ARHGAP4: variants seen among roughly 807,000 people sequenced by gnomAD.
The protein encoded by ARHGAP4 is rho GTPase-activating protein 4.
Under a neutral mutation model 67.6 loss-of-function variants are expected in ARHGAP4, and 25 were observed. The observed-to-expected ratio is 0.37, with a 90% CI of 0.27 to 0.52. ARHGAP4 has a LOEUF of 0.52. ARHGAP4 is among the 20% of genes least tolerant of loss of function. The pLI, the probability that ARHGAP4 is intolerant of heterozygous loss-of-function variation, is 0.92. For missense variants in ARHGAP4, 804 were observed against 854.6 expected (o/e 0.94, Z 0.74); for synonymous variants, 448 against 373.7 (o/e 1.20, Z -2.29).
At chrX:153,910,889 G>GCCCCCCCCCCCCCCCC (rs1557103082) in intron 14 of ARHGAP4, 33 bp downstream of exon 14, 36 of 1,147,314 alleles carry the variant, frequency 3.1e-5, no homozygotes, top group South Asian at 5.9e-5. Flanking sequence ...ATCTGCCCGA[G>GCCCCCCCCCCCCCCCC]CCCCCACCCC....
chrX:153,912,575 A>G, intron 12 of ARHGAP4, 125 bp downstream of exon 12: 2 of 573,205 alleles, frequency 3.5e-6, no homozygotes, highest in Non-Finnish European at 2.8e-6. Flanking sequence ...AGAAAAGGAC[A>G]GTTGATGACT....
At chrX:153,920,974 G>T in intron 4 of ARHGAP4, 123 bp downstream of exon 4, 1 of 1,018,378 alleles carries the variant, frequency 9.8e-7, no homozygotes, top group Non-Finnish European at 1.3e-6. Context: ...TTGCCCCTAG[G>T]TGCGTGCTTC....
rs782645972 is a variant in ARHGAP4, at chrX:153,921,659, C to T, written c.218G>A (p.Arg73His). Residue 73 changes from arginine to histidine, a missense_variant, in exon 2 of 22, where the codon CGC becomes CAC. Arg to His is a conservative substitution (Grantham distance 29, BLOSUM62 0). Coordinates refer to ENST00000350060, the MANE Select transcript of ARHGAP4 (RefSeq NM_001666.5). ...CAGGCGGCCTCCACGGCTGGAGAAG[C>T]GCTCGGCCAGCTTTTCCAGGCCCCG... ...YSRGLEKLAERFSSRGGRLGS... is the reference protein window; with the variant it reads ...YSRGLEKLAEHFSSRGGRLGS... The T allele has an allele frequency of 1.7e-6, 2 of 1,208,398 alleles. No homozygotes were observed. The highest frequency in any genetic ancestry group is 1.1e-6 in the Non-Finnish European group (1 of 894,488).
chrX:153,919,600 C>T (rs2065078611), intron 5 of ARHGAP4: 7 of 1,166,297 alleles, frequency 6.0e-6, no homozygotes, highest in Non-Finnish European at 8.0e-6. Flanking sequence ...TGGCACCCCA[C>T]CATGGAGGGT....
chrX:153,910,697 C>T lies in ARHGAP4; in HGVS notation c.1816+3G>A, dbSNP rs1363795003. Reference sequence around the variant, plus strand: ...CCCCGCCAGCCTCAGGCCCCAGCCTCACCCGAAGAAGCCAGCAGCTCGCCG... The same window carrying T: ...CCCCGCCAGCCTCAGGCCCCAGCCTTACCCGAAGAAGCCAGCAGCTCGCCG... On this transcript the variant is annotated splice_donor_region_variant and intron_variant, in intron 15 of 21. Coordinates refer to ENST00000350060, the MANE Select transcript of ARHGAP4 (RefSeq NM_001666.5). 2 of 1,192,380 alleles carry T rather than the reference C, an allele frequency of 1.7e-6. No homozygotes were observed. The highest frequency in any genetic ancestry group is 1.8e-5 in the African/African-American group (1 of 57,055).
At chrX:153,922,909 G>T (rs782293301) in intron 1 of ARHGAP4, among the ~76,000 whole-genome samples, 1 of 110,758 alleles carries the variant, frequency 9.0e-6, no homozygotes, top group South Asian at 3.9e-4. Flanking sequence ...GATGGGTGCG[G>T]AGAAGATGAA....
At chrX:153,910,132 G>A (rs3213440) in intron 17 of ARHGAP4, 39 bp downstream of exon 17, 1 of 1,208,770 alleles carries the variant, frequency 8.3e-7, no homozygotes, top group Admixed American at 2.2e-5. Context: ...CTCTTCTCCA[G>A]TGGACCCCCC....
intron 7 of ARHGAP4, among the ~76,000 whole-genome samples, chrX:153,916,932 AG>A (rs1198716617): frequency 9.0e-6 from 1 of 110,513 alleles, no homozygotes; most frequent in Non-Finnish European, 1.9e-5. Context: ...TAAAAATAAA[AG>A]GGTCGGGCAC....
Position 153,910,389 on chromosome X carries a change from G to A in ARHGAP4, c.1938C>T (p.Ser646=), listed in dbSNP as rs781908574. ...FTFLNHLAQY[S]DENMMDPYNL... is the part of the protein sequence containing the mutation. ...TGTAGGGGTCCATCATGTTCTCATCGCTGTACTGGGCCAGGCTGGGGGGAC... is the reference window on the plus strand; with the variant it reads ...TGTAGGGGTCCATCATGTTCTCATCACTGTACTGGGCCAGGCTGGGGGGAC... The change falls in exon 17 of 22, where the codon AGC becomes AGT. Residue 646 remains serine (S), a synonymous_variant. Transcript: ENST00000350060. 94 of 1,195,132 alleles carry A rather than the reference G, an allele frequency of 7.9e-5. No homozygotes were observed. The highest frequency in any genetic ancestry group is 2.0e-4 in the Admixed American group (9 of 45,191).
chrX:153,909,582 G>A (rs781945664), intron 19 of ARHGAP4, 47 bp from the exon 20 acceptor site: 45 of 1,070,098 alleles, frequency 4.2e-5, no homozygotes, highest in Middle Eastern at 2.7e-4. Context: ...TTCCCTGCAC[G>A]GGGTCCAGGG....
chrX:153,921,982 G>A, intron 1 of ARHGAP4, 173 bp from the exon 2 acceptor site: 7 of 815,986 alleles, frequency 8.6e-6, no homozygotes, highest in Non-Finnish European at 1.2e-5. Context: ...AAAGAAGCTA[G>A]GCCCCTGCAG....
intron 4 of ARHGAP4, 22 bp from the exon 5 acceptor site, chrX:153,920,830 G>A (rs966441545): frequency 4.1e-6 from 5 of 1,209,450 alleles, no homozygotes; most frequent in Non-Finnish European, 5.6e-6. Flanking sequence ...CCCAAAGCAA[G>A]GTGGTGCTGG....
At chrX:153,909,719 C>A in intron 19 of ARHGAP4, 22 bp downstream of exon 19, 7 of 1,169,238 alleles carry the variant, frequency 6.0e-6, no homozygotes, top group Non-Finnish European at 8.0e-6. Flanking sequence ...AGCCCTGGGG[C>A]CTGAGGGCGC....
At chrX:153,908,831 TGTCCCTCTCATCCCTGCCTCCGTAGCC>T (rs2064993057) in intron 21 of ARHGAP4, among the ~76,000 whole-genome samples, 1 of 112,298 alleles carries the variant, frequency 8.9e-6, no homozygotes, top group Non-Finnish European at 1.9e-5. Context: ...AGGTGTCTTC[TGTCCCTCTCATCCCTGCCTCCGTAGCC>T]GTCCCTCTCC....
rs782520072 is a variant in ARHGAP4, at chrX:153,910,370, G to T, written c.1957C>A (p.Pro653Thr). The T allele has an allele frequency of 1.7e-6, 2 of 1,201,206 alleles. No individual in the cohort carries two copies. The highest frequency in any genetic ancestry group is 3.5e-5 in the African/African-American group (2 of 57,071). ...CCGAAGCACACGGCCAGGTTGTAGG[G>T]GTCCATCATGTTCTCATCGCTGTAC... is the stretch of plus-strand genomic sequence containing the variant. ...AQYSDENMMD[P>T]YNLAVCFGPT... Residue 653 changes from proline to threonine, a missense_variant, in exon 17 of 22, where the codon CCC (proline) becomes ACC (threonine). Physicochemically the swap from Pro to Thr is conservative, Grantham distance 38 (BLOSUM62 -1). Coordinates refer to ENST00000350060, the MANE Select transcript of ARHGAP4 (RefSeq NM_001666.5).
In ARHGAP4 at chrX:153,910,732, G is replaced by T. The variant is rs368873746; in HGVS notation, c.1784C>A (p.Pro595Gln). The change falls in exon 15 of 22, where the codon CCA becomes CAA. Residue 595 changes from proline to glutamine, a missense_variant. Around this residue, in one of 2 missense-constraint regions of ARHGAP4, gnomAD observed 400 missense variants for 348.7 expected, o/e 1.15. Coordinates refer to ENST00000350060, the MANE Select transcript of ARHGAP4 (RefSeq NM_001666.5). Reference sequence around the variant, plus strand: ...AGCCAGCAGCTCGCCGAACAGGTCTGGGGGGAAGAGTGGGGGCTCCAGGCT... The same window carrying T: ...AGCCAGCAGCTCGCCGAACAGGTCTTGGGGGAAGAGTGGGGGCTCCAGGCT... Reference protein sequence around the residue: ...FRSLEPPLFPPDLFGELLASS... With the variant: ...FRSLEPPLFPQDLFGELLASS... 3.4e-6 allele frequency: 4 copies of T among 1,194,023 alleles called. No homozygotes were observed. The highest frequency in any genetic ancestry group is 2.3e-5 in the Admixed American group (1 of 44,342).
At position 153,909,432 on chromosome X, in the gene ARHGAP4, T is replaced by G; in HGVS notation, c.2507+11A>C. 21 of 1,184,678 alleles carry G rather than the reference T, an allele frequency of 1.8e-5. No individual in the cohort carries two copies. The highest frequency in any genetic ancestry group is 2.4e-5 in the Non-Finnish European group (21 of 881,467). On this transcript the variant is annotated intron_variant, in intron 20 of 21. Coordinates refer to ENST00000350060, the MANE Select transcript of ARHGAP4 (RefSeq NM_001666.5). Reference sequence around the variant, plus strand: ...CACGTGTGGCCCCCTGAGCCCCGTCTTCTTGCTCACCGGTGGACCAGCTCC... The same window carrying G: ...CACGTGTGGCCCCCTGAGCCCCGTCGTCTTGCTCACCGGTGGACCAGCTCC...
At chrX:153,921,280 C>A in intron 3 of ARHGAP4, 85 bp downstream of exon 3, 1 of 1,191,879 alleles carries the variant, frequency 8.4e-7, no homozygotes, top group Non-Finnish European at 1.1e-6. Flanking sequence ...CTGCTCCCCA[C>A]CTGGCCTCCA....
At chrX:153,920,997 G>T in intron 4 of ARHGAP4, 100 bp downstream of exon 4, 1 of 1,076,009 alleles carries the variant, frequency 9.3e-7, no homozygotes, top group South Asian at 2.0e-5. Context: ...CCTGAGCCTG[G>T]CTTGGGGTGA....
Sources: gnomAD v4.1 joint callset for allele counts (sites outside exome capture counted in the v4.1 genomes callset) on GRCh38, gnomAD v4.1.1 for gene constraint, gnomAD v4.1.1 regional missense constraint, MANE v1.5 for transcripts, NCBI Gene and HGNC (gene_info 2026-07-23, HGNC 2026-07-21) for gene names.